KAZN: variants seen among roughly 807,000 people sequenced by gnomAD.
KAZN encodes the protein kazrin, periplakin interacting protein.
KAZN carries 40 observed loss-of-function variants against 87.4 expected under a neutral mutation model. The observed-to-expected ratio is 0.46, with a 90% CI of 0.36 to 0.60. The LOEUF is 0.60. KAZN is among the 20% of genes least tolerant of loss of function. The probability of loss-of-function intolerance (pLI) is 0.00; values close to 1 mark genes in which losing one functional copy is unlikely to be tolerated. For missense variants in KAZN, 898 were observed against 1,073.9 expected, an observed-to-expected ratio of 0.84 and a Z score of 2.29; for synonymous variants, 466 against 458.3, an observed-to-expected ratio of 1.02 and a Z score of -0.22.
At chr1:14,888,668 TAGAG>T (rs769629944) in intron 1 of KAZN, among the ~76,000 whole-genome samples, 14 of 152,166 alleles carry the variant, frequency 9.2e-5, no homozygotes, top group East Asian at 3.9e-4. Context: ...CGTGTTGTGA[TAGAG>T]AGAGAGTGAT....
chr1:14,937,277 T>C (rs971378035), intron 1 of KAZN, among the ~76,000 whole-genome samples: 2 of 152,174 alleles, frequency 1.3e-5, no homozygotes, highest in African/African-American at 4.8e-5. Context: ...ACCCTGCTAG[T>C]TAATTACTTG....
chr1:15,027,044 T>G (rs1671232839), intron 2 of KAZN, among the ~76,000 whole-genome samples: 1 of 144,830 alleles, frequency 6.9e-6, no homozygotes. Flanking sequence ...TTAATCAAAC[T>G]TAGGCAGATT....
chr1:14,678,007 G>A (rs143147258), intron 1 of KAZN, among the ~76,000 whole-genome samples: 111 of 152,302 alleles, frequency 7.3e-4, no homozygotes, highest in Middle Eastern at 6.8e-3. Flanking sequence ...CCCCAGAATT[G>A]GGAGTGACTG....
intron 1 of KAZN, among the ~76,000 whole-genome samples, chr1:14,602,241 C>T (rs1236810335): frequency 6.6e-6 from 1 of 152,216 alleles, no homozygotes; most frequent in Admixed American, 6.5e-5. Flanking sequence ...AAGTGAACTG[C>T]TGAAAATCTG....
At chr1:14,815,886 A>G (rs1646548642) in intron 1 of KAZN, among the ~76,000 whole-genome samples, 1 of 152,168 alleles carries the variant, frequency 6.6e-6, no homozygotes, top group Non-Finnish European at 1.5e-5. Flanking sequence ...AGGAGATCCC[A>G]TCACTTCTCT....
chr1:14,014,048 T>C (rs1047158829), intron 1 of KAZN, among the ~76,000 whole-genome samples: 1 of 152,220 alleles, frequency 6.6e-6, no homozygotes, highest in African/African-American at 2.4e-5. Flanking sequence ...GGCTGCTCCA[T>C]TGAAAAGCGT....
chr1:14,419,352 T>G (rs1185706716), intron 2 of KAZN, among the ~76,000 whole-genome samples: 2 of 152,182 alleles, frequency 1.3e-5, no homozygotes, highest in Non-Finnish European at 2.9e-5. Context: ...CTTTCCACCC[T>G]GCCCGGCCAT....
At chr1:14,012,450 A>G (rs1244974616) in intron 1 of KAZN, among the ~76,000 whole-genome samples, 1 of 152,200 alleles carries the variant, frequency 6.6e-6, no homozygotes, top group African/African-American at 2.4e-5. Flanking sequence ...AATGGGCTGA[A>G]AAAATAAGTA....
chr1:14,314,407 T>A (rs745391057), intron 2 of KAZN, among the ~76,000 whole-genome samples: 10 of 152,182 alleles, frequency 6.6e-5, no homozygotes, highest in Non-Finnish European at 1.0e-4. Flanking sequence ...CTGGCCCTGT[T>A]TATCTTCATT....
At chr1:14,174,113 T>A (rs1400145932) in intron 1 of KAZN, among the ~76,000 whole-genome samples, 1 of 152,186 alleles carries the variant, frequency 6.6e-6, no homozygotes, top group African/African-American at 2.4e-5. Context: ...ACTGGACAGG[T>A]TGTAACTGAG....
intron 2 of KAZN, among the ~76,000 whole-genome samples, chr1:14,537,743 C>T (rs1424620838): frequency 6.6e-6 from 1 of 152,122 alleles, no homozygotes; most frequent in Non-Finnish European, 1.5e-5. Context: ...ATCAGTTTCC[C>T]CATCCTTCCC....
At chr1:15,012,664 G>A (rs1187060492) in intron 2 of KAZN, among the ~76,000 whole-genome samples, 1 of 152,222 alleles carries the variant, frequency 6.6e-6, no homozygotes, top group East Asian at 1.9e-4. Flanking sequence ...GCTCACGCCT[G>A]TAATCCCAGC....
chr1:14,399,963 G>T (rs747283978), intron 2 of KAZN, among the ~76,000 whole-genome samples: 6 of 152,070 alleles, frequency 3.9e-5, no homozygotes, highest in Non-Finnish European at 7.3e-5. Flanking sequence ...CAAGCTCTCA[G>T]TAAGTAATTG....
chr1:14,609,844 T>C (rs995542579), intron 1 of KAZN, among the ~76,000 whole-genome samples: 1 of 152,220 alleles, frequency 6.6e-6, no homozygotes, highest in African/African-American at 2.4e-5. Flanking sequence ...AGTTGATTTG[T>C]CTAAGATTGG....
chr1:14,494,642 T>C (rs1184218344), intron 2 of KAZN, among the ~76,000 whole-genome samples: 2 of 152,160 alleles, frequency 1.3e-5, no homozygotes, highest in East Asian at 1.9e-4. Context: ...TTAGGTGTAA[T>C]AGTCTATCCC....
At chr1:14,590,841 C>T (rs192026687) in intron 2 of KAZN, among the ~76,000 whole-genome samples, 2 of 152,268 alleles carry the variant, frequency 1.3e-5, no homozygotes, top group East Asian at 3.9e-4. Flanking sequence ...TCCCATTTTC[C>T]CAGTGAGGAA....
At chr1:15,044,270 G>GGGGGGGGGCCCCC in intron 4 of KAZN, 111 bp downstream of exon 4, 1 of 413,330 alleles carries the variant, frequency 2.4e-6, no homozygotes, top group Non-Finnish European at 4.2e-6. Context: ...GGTGGGTGGG[G>GGGGGGGGGCCCCC]CAGAGCAGAA....
At chr1:14,292,633 C>T (rs1479342161) in intron 2 of KAZN, among the ~76,000 whole-genome samples, 1 of 152,200 alleles carries the variant, frequency 6.6e-6, no homozygotes, top group African/African-American at 2.4e-5. Context: ...CGCCTCATTG[C>T]AGAGGTGCAG....
chr1:13,927,037 G>A (rs548995311), intron 1 of KAZN, among the ~76,000 whole-genome samples: 1 of 152,296 alleles, frequency 6.6e-6, no homozygotes, highest in South Asian at 2.1e-4. Context: ...GCAAGATTCT[G>A]TCATTGTAGC....
Sources: allele counts gnomAD v4.1 joint callset (sites outside exome capture counted in the v4.1 genomes callset), GRCh38; gene constraint gnomAD v4.1.1; transcripts MANE v1.5; gene names NCBI Gene and HGNC (gene_info 2026-07-23, HGNC 2026-07-21).